Variants in DLG2 observed in about 807,000 individuals in gnomAD.
DLG2 encodes the protein disks large homolog 2.
DLG2 carries 45 observed loss-of-function variants against 132.5 expected under a neutral mutation model. The ratio of observed to expected loss-of-function variants is 0.34; its 90% CI spans 0.27 to 0.44. DLG2 has a LOEUF of 0.44. Among genes scored for constraint, DLG2 ranks in the 20% least tolerant of loss-of-function variants. The pLI is 1.00. For synonymous variants in DLG2, 424 were observed against 419.6 expected (o/e 1.01, Z -0.13); for missense variants, 1,045 against 1,196.9 (o/e 0.87, Z 1.87).
At chr11:84,184,306 T>G (rs747245059) in intron 8 of DLG2, among the ~76,000 whole-genome samples, 1 of 151,204 alleles carries the variant, frequency 6.6e-6, no homozygotes. Flanking sequence ...TGGTTTTGAT[T>G]TGCATTTCTC....
chr11:83,919,974 C>T (rs765945722), intron 15 of DLG2, among the ~76,000 whole-genome samples: 1 of 152,266 alleles, frequency 6.6e-6, no homozygotes, highest in Middle Eastern at 3.4e-3. Context: ...TTATGTTAGG[C>T]AGGTTGCTCA....
intron 7 of DLG2, among the ~76,000 whole-genome samples, chr11:84,526,042 C>T (rs1293203278): frequency 6.6e-6 from 1 of 152,080 alleles, no homozygotes; most frequent in African/African-American, 2.4e-5. Flanking sequence ...CTTGAGAGAC[C>T]TCTTCTTTCA....
rs535527431 is a variant in DLG2, at chr11:83,547,667, G to A, written c.1941-5809C>T. On this transcript the variant is annotated intron_variant, in intron 19 of 27. Transcript: ENST00000376104. ...GAGCAGAAAACAATTCTCCTATTGA[G>A]CCTCTAGAAGGGTTACAGACTGCTG... 4.6e-5 allele frequency among the ~76,000 whole-genome samples: 7 copies of A among 152,262 alleles called. No homozygotes were observed. The East Asian group carries it at 1.3e-3, about 29-fold the overall frequency.
At chr11:83,967,457 G>C (rs1279399055) in intron 12 of DLG2, among the ~76,000 whole-genome samples, 1 of 152,090 alleles carries the variant, frequency 6.6e-6, no homozygotes, top group Non-Finnish European at 1.5e-5. Context: ...TCTCATGGCA[G>C]TTTAGATTTC....
chr11:84,051,517 C>T (rs1045561392), intron 11 of DLG2, among the ~76,000 whole-genome samples: 9 of 150,906 alleles, frequency 6.0e-5, no homozygotes, highest in Non-Finnish European at 1.2e-4. Context: ...AGCAAACTAT[C>T]GCAAGGACAA....
intron 19 of DLG2, among the ~76,000 whole-genome samples, chr11:83,570,307 A>G (rs1364483374): frequency 6.6e-6 from 1 of 152,194 alleles, no homozygotes. Flanking sequence ...AACGTACAGA[A>G]TAGAGATGAA....
intron 3 of DLG2, among the ~76,000 whole-genome samples, chr11:85,324,819 G>T (rs528007832): frequency 2.0e-5 from 3 of 151,898 alleles, no homozygotes; most frequent in Non-Finnish European, 2.9e-5. Flanking sequence ...CAGCGTGAGC[G>T]ACGCAGAAGA....
At chr11:84,488,839 A>T (rs1020617711) in intron 7 of DLG2, among the ~76,000 whole-genome samples, 1 of 152,170 alleles carries the variant, frequency 6.6e-6, no homozygotes, top group Non-Finnish European at 1.5e-5. Flanking sequence ...GTGACTGTAC[A>T]CCTAAATAAA....
At chr11:85,323,273 C>T (rs1026608582) in intron 3 of DLG2, among the ~76,000 whole-genome samples, 1 of 152,214 alleles carries the variant, frequency 6.6e-6, no homozygotes, top group East Asian at 1.9e-4. Flanking sequence ...TCCAAAGGAT[C>T]TCTTTCCTAA....
intron 3 of DLG2, among the ~76,000 whole-genome samples, chr11:85,522,507 ATAG>A (rs929346575): frequency 5.1e-4 from 78 of 152,290 alleles, no homozygotes; most frequent in Admixed American, 4.2e-3. Context: ...AGGCCCCAGA[ATAG>A]TAGATCCACC....
chr11:85,184,452 T>G (rs1332882200), intron 4 of DLG2, among the ~76,000 whole-genome samples: 1 of 150,986 alleles, frequency 6.6e-6, no homozygotes, highest in East Asian at 1.9e-4. Context: ...AGAAACAAGG[T>G]AGTTAATAAG....
chr11:84,647,483 G>A (rs917616719), intron 6 of DLG2, among the ~76,000 whole-genome samples: 8 of 152,244 alleles, frequency 5.3e-5, no homozygotes, highest in African/African-American at 1.2e-4. Flanking sequence ...AGATCAGTGC[G>A]GTAGAAATGT....
At chr11:84,796,143 A>T (rs2074571433) in intron 6 of DLG2, among the ~76,000 whole-genome samples, 1 of 152,210 alleles carries the variant, frequency 6.6e-6, no homozygotes, top group African/African-American at 2.4e-5. Context: ...ATCTCGTGAC[A>T]GATGGATACC....
chr11:85,371,980 T>G (rs932066404), intron 3 of DLG2, among the ~76,000 whole-genome samples: 1 of 152,204 alleles, frequency 6.6e-6, no homozygotes, highest in Non-Finnish European at 1.5e-5. Context: ...AAATGAGAAC[T>G]GGAGAGAGAG....
intron 6 of DLG2, among the ~76,000 whole-genome samples, chr11:84,753,297 AG>A (rs1323233683): frequency 4.6e-5 from 7 of 152,208 alleles, no homozygotes; most frequent in African/African-American, 1.7e-4. Context: ...GACTGGATAA[AG>A]AAAGGAGTGG....
At chr11:85,416,390 T>C (rs1235401869) in intron 3 of DLG2, among the ~76,000 whole-genome samples, 1 of 152,256 alleles carries the variant, frequency 6.6e-6, no homozygotes, top group Non-Finnish European at 1.5e-5. Context: ...CCTCCAGCTT[T>C]GTTCTTTTTG....
chr11:85,096,180 G>A (rs1335121880), intron 6 of DLG2, among the ~76,000 whole-genome samples: 1 of 152,156 alleles, frequency 6.6e-6, no homozygotes, highest in East Asian at 1.9e-4. Flanking sequence ...ATGTGGGCGG[G>A]GCCAAATAAG....
chr11:84,714,370 CCA>C (rs2060784594), intron 6 of DLG2, among the ~76,000 whole-genome samples: 1 of 152,048 alleles, frequency 6.6e-6, no homozygotes, highest in East Asian at 1.9e-4. Flanking sequence ...TACTTCTCTG[CCA>C]CAGAGACTGT....
intron 8 of DLG2, among the ~76,000 whole-genome samples, chr11:84,227,580 A>C (rs966927665): frequency 1.3e-5 from 2 of 152,166 alleles, no homozygotes; most frequent in Non-Finnish European, 2.9e-5. Flanking sequence ...CACTTATCTC[A>C]GTATTTCAAC....
Sources: allele counts gnomAD v4.1 joint callset (sites outside exome capture counted in the v4.1 genomes callset), GRCh38; gene constraint gnomAD v4.1.1; transcripts MANE v1.5; gene names NCBI Gene and HGNC (gene_info 2026-07-23, HGNC 2026-07-21).